The following PAM16 variants were observed in gnomAD, a reference collection of about 807,000 sequenced individuals.
The protein encoded by PAM16 is presequence translocase associated motor 16, also known as mitochondrial import inner membrane translocase subunit TIM16.
A neutral mutation model predicts 17.9 loss-of-function variants in PAM16; 11 were observed. The ratio of observed to expected loss-of-function variants is 0.62; its 90% confidence interval spans 0.39 to 1.02. The LOEUF (loss-of-function observed/expected upper bound fraction) is 1.02, where lower values mean the gene tolerates loss of function less well. Ranked by LOEUF, PAM16 falls within the 50% of genes least tolerant of loss-of-function variation. The pLI is 0.01. For missense variants in PAM16, 199 were observed against 165.4 expected (o/e 1.20, Z -1.11); for synonymous variants, 72 against 67.4 (o/e 1.07, Z -0.34).
At chr16:4,341,946 C>A (rs1006801879) in intron 2 of PAM16, among the ~76,000 whole-genome samples, 2 of 152,208 alleles carry the variant, frequency 1.3e-5, no homozygotes, top group African/African-American at 4.8e-5. Context: ...TTCAGTGACC[C>A]CAGAACCTAG....
At position 4,343,297 on chromosome 16, in the gene PAM16, G is replaced by A; in HGVS notation, c.4-6C>T. ...ATCTGGGCCAGGTACTTGGCCTGTG[G>A]GCAAAGCAGGCACCCGGTTAGCAGG... On this transcript the variant is annotated splice_region_variant and splice_polypyrimidine_tract_variant and intron_variant, in intron 1 of 4. Coordinates refer to ENST00000318059, the MANE Select transcript of PAM16 (RefSeq NM_016069.11). The A allele has an allele frequency of 1.2e-6, 2 of 1,603,656 alleles. No individual in the cohort carries two copies. The highest frequency in any genetic ancestry group is 1.7e-6 in the Non-Finnish European group (2 of 1,175,930).
At chr16:4,349,850 A>T (rs531722380) in intron 1 of PAM16, among the ~76,000 whole-genome samples, 2 of 152,268 alleles carry the variant, frequency 1.3e-5, no homozygotes, top group Admixed American at 6.5e-5. Flanking sequence ...ATGCATGACT[A>T]TGGTGGAGTC....
In PAM16 at chr16:4,340,400, G is replaced by A; in HGVS notation, c.297C>T (p.Val99=). The part of the protein sequence containing the change: ...GGSFYLQSKV[V]RAKERLDEEL... ...CCTCATCCAGGCGCTCCTTTGCGCG[G>A]ACCACCTAGTGGGTCACGGATAATC... The change falls in exon 5 of 5, where the codon GTC becomes GTT. Residue 99 remains valine, a synonymous_variant. Coordinates refer to ENST00000318059, the MANE Select transcript of PAM16 (RefSeq NM_016069.11). 6.2e-7 allele frequency: 1 copy of A among 1,611,910 alleles called. No individual in the cohort carries two copies. Among genetic ancestry groups the A allele is most frequent in the Non-Finnish European group, 8.5e-7 (1 of 1,179,822 alleles).
chr16:4,343,089 G>T, intron 2 of PAM16, 118 bp downstream of exon 2: 1 of 1,339,090 alleles, frequency 7.5e-7, no homozygotes, highest in East Asian at 2.4e-5. Context: ...CCCACCATGG[G>T]AAGTGCCTCA....
chr16:4,343,601 G>C, intron 1 of PAM16: 1 of 1,376,672 alleles, frequency 7.3e-7, no homozygotes, highest in Non-Finnish European at 9.3e-7. Context: ...CCGGCTTCAG[G>C]AAGAAACACT....
chr16:4,346,035 T>C lies in PAM16; in HGVS notation c.4-2744A>G, dbSNP rs532887071. 8.5e-6 allele frequency: 8 copies of C among 936,496 alleles called. No individual in the cohort carries two copies. In the African/African-American group the frequency reaches 1.4e-4, roughly 17 times the overall value. The allele number at this position is 936,496 out of a possible 1,614,324, so 58.0% of individuals were successfully genotyped here. On this transcript the variant is annotated intron_variant, in intron 1 of 4. Transcript: ENST00000318059. ...TTGCAAAATAATGAACGGTAAGAGC[T>C]GAGGTCATAACTGGGGAGCTTCCCC...
rs1241004718 is a variant in PAM16, at chr16:4,343,550, CAG to C, written c.4-261_4-260del. The C allele has an allele frequency of 1.2e-5, 17 of 1,415,430 alleles. No homozygotes were observed. In the East Asian group the frequency reaches 4.4e-4, roughly 36 times the overall value. 87.7% of individuals were successfully genotyped at this position (1,415,430 alleles called of 1,614,324 possible). The stretch of plus-strand genomic sequence containing the variant: ...GGCAGACTGGCCCCACCTCATCCTT[CAG>C]GAAAGGCGTAGAGGAGCAAGGCAAA... On this transcript the variant is annotated intron_variant, in intron 1 of 4. Coordinates refer to ENST00000318059, the MANE Select transcript of PAM16 (RefSeq NM_016069.11).
chr16:4,342,869 G>C (rs2053670722), intron 2 of PAM16, among the ~76,000 whole-genome samples: 1 of 151,392 alleles, frequency 6.6e-6, no homozygotes, highest in South Asian at 2.1e-4. Context: ...TGAGGGAGGA[G>C]AATCACTTGA....
At chr16:4,346,071 T>G in intron 1 of PAM16, 4 of 675,770 alleles carry the variant, frequency 5.9e-6, no homozygotes, top group Non-Finnish European at 7.3e-6. Flanking sequence ...GACCATCCCC[T>G]GCACACTTCA....
At chr16:4,342,902 G>A (rs1220874721) in intron 2 of PAM16, among the ~76,000 whole-genome samples, 2 of 152,204 alleles carry the variant, frequency 1.3e-5, no homozygotes, top group African/African-American at 4.8e-5. Flanking sequence ...AGGTTGCAGT[G>A]AGCCAAGATT....
At chr16:4,351,046 T>C in intron 1 of PAM16, 186 bp downstream of exon 1, 1 of 338,692 alleles carries the variant, frequency 3.0e-6, no homozygotes, top group Non-Finnish European at 5.3e-6. Flanking sequence ...TCCCTGGCCC[T>C]GAGGCCGCCG....
At chr16:4,350,991 C>A in intron 1 of PAM16, 2 of 315,472 alleles carry the variant, frequency 6.3e-6, no homozygotes, top group Non-Finnish European at 5.8e-6. Flanking sequence ...GCGGGCTAGG[C>A]ACAGCGCGAC....
At chr16:4,342,666 GATTT>G (rs1275860610) in intron 2 of PAM16, among the ~76,000 whole-genome samples, 4 of 149,178 alleles carry the variant, frequency 2.7e-5, no homozygotes, top group Non-Finnish European at 3.0e-5. Context: ...AAAAAAAAAA[GATTT>G]ATTTACAAAA....
At chr16:4,347,265 T>A (rs1249745766) in intron 1 of PAM16, 1 of 152,160 alleles carries the variant, frequency 6.6e-6, no homozygotes, top group Admixed American at 6.6e-5. Context: ...GGTGGAAATT[T>A]CATAACTTCT....
intron 3 of PAM16, 71 bp downstream of exon 3, chr16:4,341,297 A>G (rs2053642471): frequency 6.6e-6 from 10 of 1,522,932 alleles, no homozygotes; most frequent in East Asian, 2.5e-5. Flanking sequence ...CTCCCTGGCC[A>G]GGCCTCCCTT....
intron 2 of PAM16, among the ~76,000 whole-genome samples, chr16:4,341,862 G>A (rs2053653795): frequency 6.6e-6 from 1 of 152,192 alleles, no homozygotes. Context: ...GGGCATGAGA[G>A]GGCTCTGCAG....
intron 4 of PAM16, 71 bp downstream of exon 4, chr16:4,340,849 T>G: frequency 6.3e-7 from 1 of 1,585,170 alleles, no homozygotes; most frequent in Non-Finnish European, 8.7e-7. Context: ...CTCCCCCAAC[T>G]AGGAATTGAG....
At chr16:4,343,854 G>A (rs1047578846) in intron 1 of PAM16, 19 of 400,098 alleles carry the variant, frequency 4.7e-5, no homozygotes, top group Non-Finnish European at 8.8e-6. Flanking sequence ...AAGCCCACTA[G>A]GAGGGTATTT....
At position 4,343,501 on chromosome 16, in the gene PAM16, G is replaced by A. The variant is rs1248813114; in HGVS notation, c.4-210C>T. The A allele has an allele frequency of 5.6e-6, 8 of 1,428,094 alleles. No individual in the cohort carries two copies. In the African/African-American group the frequency reaches 7.2e-5, roughly 13 times the overall value. The allele number at this position is 1,428,094 out of a possible 1,614,324, so 88.5% of individuals were successfully genotyped here. On this transcript the variant is annotated intron_variant, in intron 1 of 4. Transcript: ENST00000318059. ...TACTCACTGGACAGGCAGGCAGGCGGGTGAACTTGACCGAGCTCCCAGAGG... is the reference window on the plus strand; with the variant it reads ...TACTCACTGGACAGGCAGGCAGGCGAGTGAACTTGACCGAGCTCCCAGAGG...
Sources: allele counts gnomAD v4.1 joint callset (sites outside exome capture counted in the v4.1 genomes callset), GRCh38; gene constraint gnomAD v4.1.1; transcripts MANE v1.5; gene names NCBI Gene and HGNC (gene_info 2026-07-23, HGNC 2026-07-21).